The following MYH1 variants were observed in gnomAD, a reference collection of about 807,000 sequenced individuals.
MYH1 encodes myosin-1.
Under a neutral mutation model 225.6 loss-of-function variants are expected in MYH1, and 214 were observed. The ratio of observed to expected loss-of-function variants is 0.95; its 90% CI spans 0.85 to 1.06. The LOEUF (loss-of-function observed/expected upper bound fraction) is 1.06. Ranked by LOEUF, MYH1 falls within the 50% of genes least tolerant of loss-of-function variation. MYH1 has a pLI of 0.00. For missense variants in MYH1, 2,098 were observed against 2,344.2 expected (o/e 0.89, Z 2.17); for synonymous variants, 774 against 842.3 (o/e 0.92, Z 1.40).
In MYH1 at chr17:10,496,019, C is replaced by G. The variant is rs189070988; in HGVS notation, c.5100G>C (p.Glu1700Asp). The G allele has an allele frequency of 2.8e-5, 46 of 1,614,140 alleles. No homozygotes were observed. The African/African-American group carries it at 4.0e-4, about 14-fold the overall frequency. The change falls in exon 35 of 40, where the codon GAG becomes GAC. Residue 1700 changes from glutamate (E) to aspartate (D), a missense_variant. Physicochemically the swap from Glu to Asp is conservative, Grantham distance 45. Coordinates refer to ENST00000226207, the MANE Select transcript of MYH1 (RefSeq NM_005963.4). The part of the protein sequence containing the change: ...EELRATLEQT[E>D]RSRKIAEQEL... ...CCTGTTCTGCGATTTTCCTGCTCCT[C>G]TCTGTCTGTTCCAGAGTGGCCCGCA...
At chr17:10,515,109 A>G (rs553531639) in intron 5 of MYH1, among the ~76,000 whole-genome samples, 2 of 152,352 alleles carry the variant, frequency 1.3e-5, no homozygotes, top group African/African-American at 2.4e-5. Flanking sequence ...GTAGATTTCA[A>G]TGGCATGCTA....
intron 37 of MYH1, 67 bp downstream of exon 37, chr17:10,494,864 G>T: frequency 6.2e-7 from 1 of 1,613,478 alleles, no homozygotes; most frequent in African/African-American, 1.3e-5. Context: ...ATCTAGCAGT[G>T]CTAGGTATTC....
intron 33 of MYH1, among the ~76,000 whole-genome samples, chr17:10,496,831 C>T (rs890102290): frequency 2.6e-5 from 4 of 152,156 alleles, no homozygotes; most frequent in African/African-American, 9.7e-5. Flanking sequence ...TTTTATCTCC[C>T]TAGGTAGATT....
rs369952122 is a variant in MYH1, at chr17:10,505,081, A to T, written c.2436-16T>A. The T allele has an allele frequency of 2.5e-6, 4 of 1,613,598 alleles. No individual in the cohort carries two copies. The African/African-American group carries it at 5.3e-5, about 22-fold the overall frequency. ...GATGGACTCTCTGTCATAGGAACAG[A>T]AATGTCCAAATCAGATTATAATAAG... On this transcript the variant is annotated splice_polypyrimidine_tract_variant and intron_variant, in intron 21 of 39. Coordinates refer to ENST00000226207, the MANE Select transcript of MYH1 (RefSeq NM_005963.4).
In MYH1 at chr17:10,498,662, T is replaced by G. The variant is rs571435872; in HGVS notation, c.4145A>C (p.Asp1382Ala). 12 of 1,614,030 alleles carry G rather than the reference T, an allele frequency of 7.4e-6. No individual in the cohort carries two copies. In the Admixed American group the frequency reaches 1.5e-4, roughly 20 times the overall value. ...CAGCTCCTCTGTGCGCTGGATGGCA[T>G]CTGTCTCATATTTGGTCCTCCACTG... ...VAQWRTKYET[D>A]AIQRTEELEE... The change falls in exon 30 of 40, where the codon GAT becomes GCT. Residue 1382 changes from aspartate to alanine, a missense_variant. Coordinates refer to ENST00000226207, the MANE Select transcript of MYH1 (RefSeq NM_005963.4).
rs767846610 is a variant in MYH1, at chr17:10,507,911, AAAG to A, written c.1940_1942del (p.Ser647del). 9 of 1,613,996 alleles carry A rather than the reference AAAG, an allele frequency of 5.6e-6. No individual in the cohort carries two copies. The Admixed American group carries it at 1.3e-4, about 24-fold the overall frequency. Reference sequence around the variant, plus strand: ...CCTGAAGAGAGCAGACACAGTCTGGAAAGAAGAACCCTTCTTCTTACCACCTTT... The same window carrying A: ...CCTGAAGAGAGCAGACACAGTCTGGAAAGAACCCTTCTTCTTACCACCTTT... On this transcript the variant is annotated inframe_deletion, in exon 17 of 40. Coordinates refer to ENST00000226207, the MANE Select transcript of MYH1 (RefSeq NM_005963.4).
chr17:10,512,544 A>G lies in MYH1; in HGVS notation c.1011T>C (p.Ser337=), dbSNP rs2073181932. The G allele has an allele frequency of 1.5e-5, 24 of 1,614,110 alleles. No homozygotes were observed. The highest frequency in any genetic ancestry group is 2.0e-5 in the Non-Finnish European group (24 of 1,179,988). Reference sequence around the variant, plus strand: ...AAGTAAAGCCCAGAATTTCAATGGCACTCTACCATGAGAGATGAGAAGACA... The same window carrying G: ...AAGTAAAGCCCAGAATTTCAATGGCGCTCTACCATGAGAGATGAGAAGACA... ...DDQEELMATD[S]AIEILGFTSD... is the part of the protein sequence containing the mutation. The change falls in exon 12 of 40, where the codon AGT becomes AGC. Residue 337 remains serine (S), a splice_region_variant and synonymous_variant. Transcript: ENST00000226207.
chr17:10,494,939 C>G lies in MYH1; in HGVS notation c.5458G>C (p.Glu1820Gln). The change falls in exon 37 of 40, where the codon GAG (glutamate) becomes CAG (glutamine). Residue 1820 changes from glutamate (E) to glutamine (Q), a missense_variant. Coordinates refer to ENST00000226207, the MANE Select transcript of MYH1 (RefSeq NM_005963.4). The stretch of plus-strand genomic sequence containing the variant: ...CTGATTAGGAGACCCACCCTGGCCT[C>G]CAGTTTCTGGATCTGCTTCTTCCCA... ...KGGKKQIQKL[E>Q]ARVRELEGEV... The G allele has an allele frequency of 6.2e-7, 1 of 1,614,134 alleles. No homozygotes were observed. Among genetic ancestry groups the G allele is most frequent in the South Asian group, 1.1e-5 (1 of 91,082 alleles).
chr17:10,510,011 A>G (rs1446994386), intron 14 of MYH1, among the ~76,000 whole-genome samples: 1 of 152,192 alleles, frequency 6.6e-6, no homozygotes, highest in African/African-American at 2.4e-5. Flanking sequence ...GAAACAGCAC[A>G]CACTGGGGCC....
At chr17:10,507,001 G>A (rs566423930) in intron 17 of MYH1, among the ~76,000 whole-genome samples, 11 of 152,242 alleles carry the variant, frequency 7.2e-5, no homozygotes, top group South Asian at 4.2e-4. Flanking sequence ...TGGTTTTTCC[G>A]AATATCTACA....
chr17:10,508,620 G>A lies in MYH1; in HGVS notation c.1640C>T (p.Thr547Ile). Residue 547 changes from threonine to isoleucine, a missense_variant, in exon 16 of 40, where the codon ACA becomes ATA. By Grantham distance (89) the Thr-to-Ile change is moderately conservative (BLOSUM62 -1). Coordinates refer to ENST00000226207, the MANE Select transcript of MYH1 (RefSeq NM_005963.4). ...CAGCTTGTTCTTGAAGGAGGTGTCT[G>A]TCGCCTTGGGGAACATGCACTCCTC... ...LEEECMFPKA[T>I]DTSFKNKLYE... The A allele has an allele frequency of 6.2e-7, 1 of 1,614,214 alleles. No homozygotes were observed. Among genetic ancestry groups the A allele is most frequent in the Non-Finnish European group, 8.5e-7 (1 of 1,180,030 alleles).
At chr17:10,511,698 C>A in intron 14 of MYH1, 141 bp downstream of exon 14, 1 of 1,335,714 alleles carries the variant, frequency 7.5e-7, no homozygotes, top group South Asian at 1.3e-5. Flanking sequence ...TCTTTTGGTG[C>A]TCTTTCATGT....
Position 10,496,442 on chromosome 17 carries a change from G to C in MYH1, c.4764C>G (p.Asp1588Glu), listed in dbSNP as rs1182630992. ...RKIAEKDEEI[D>E]QMKRNHIRIV... is the part of the protein sequence containing the mutation. Reference sequence around the variant, plus strand: ...TTCTAATGTGGTTTCTCTTCATCTGGTCAATTTCCTCATCTTTTTCAGCAA... The same window carrying C: ...TTCTAATGTGGTTTCTCTTCATCTGCTCAATTTCCTCATCTTTTTCAGCAA... Residue 1588 changes from aspartate (D) to glutamate (E), a missense_variant, in exon 34 of 40, where the codon GAC (aspartate) becomes GAG (glutamate). Coordinates refer to ENST00000226207, the MANE Select transcript of MYH1 (RefSeq NM_005963.4). 1.2e-6 allele frequency: 2 copies of C among 1,613,760 alleles called. No homozygotes were observed. Among genetic ancestry groups the C allele is most frequent in the Non-Finnish European group, 1.7e-6 (2 of 1,179,988 alleles).
intron 37 of MYH1, 78 bp downstream of exon 37, chr17:10,494,853 C>G (rs2072971013): frequency 6.2e-7 from 1 of 1,610,578 alleles, no homozygotes; most frequent in Non-Finnish European, 8.5e-7. Context: ...TGCCCCACAT[C>G]ATCTAGCAGT....
At chr17:10,514,800 CT>C (rs1567723316) in intron 6 of MYH1, 67 bp downstream of exon 6, 3 of 1,440,678 alleles carry the variant, frequency 2.1e-6, no homozygotes, top group Admixed American at 1.7e-5. Context: ...TAACTAATTT[CT>C]TTTTTTGGTT....
rs765492937 is a variant in MYH1 at position 10,505,204 on chromosome 17, C to G, written c.2394G>C (p.Gly798=). The G allele has an allele frequency of 1.2e-6, 2 of 1,614,222 alleles. No individual in the cohort carries two copies. Among genetic ancestry groups the G allele is most frequent in the East Asian group, 2.2e-5 (1 of 44,884 alleles). ...LITRTQAMCR[G]FLARVEYQKM... is the part of the protein sequence containing the mutation. Reference sequence around the variant, plus strand: ...TCTGGTACTCCACTCTTGCCAAGAACCCTCTGCACATGGCCTGGGTTCGGG... The same window carrying G: ...TCTGGTACTCCACTCTTGCCAAGAAGCCTCTGCACATGGCCTGGGTTCGGG... The change falls in exon 21 of 40, where the codon GGG becomes GGC. Residue 798 remains glycine, a synonymous_variant. Transcript: ENST00000226207.
Position 10,496,045 on chromosome 17 carries a change from G to C in MYH1, c.5074C>G (p.Leu1692Val). 3.7e-6 allele frequency: 6 copies of C among 1,614,068 alleles called. No homozygotes were observed. The highest frequency in any genetic ancestry group is 5.1e-6 in the Non-Finnish European group (6 of 1,180,010). ...ANLLQAEIEE[L>V]RATLEQTERS... ...TCTGTCTGTTCCAGAGTGGCCCGCA[G>C]CTCCTCGATCTCAGCCTGCAGCAGG... Residue 1692 changes from leucine to valine, a missense_variant, in exon 35 of 40, where the codon CTG (leucine) becomes GTG (valine). Coordinates refer to ENST00000226207, the MANE Select transcript of MYH1 (RefSeq NM_005963.4).
chr17:10,498,699 T>C lies in MYH1; in HGVS notation c.4108A>G (p.Ser1370Gly). The change falls in exon 30 of 40, where the codon AGT becomes GGT. Residue 1370 changes from serine (S) to glycine (G), a missense_variant. Ser to Gly is a moderately conservative substitution (Grantham distance 56, BLOSUM62 0). Coordinates refer to ENST00000226207, the MANE Select transcript of MYH1 (RefSeq NM_005963.4). ...TTGGTCCTCCACTGGGCAACCTCACTGTTGGCCTTGGACATTGCTCTCTGT... is the reference window on the plus strand; with the variant it reads ...TTGGTCCTCCACTGGGCAACCTCACCGTTGGCCTTGGACATTGCTCTCTGT... Reference protein sequence around the residue: ...ELQRAMSKANSEVAQWRTKYE... With the variant: ...ELQRAMSKANGEVAQWRTKYE... The C allele has an allele frequency of 6.2e-7, 1 of 1,614,076 alleles. No individual in the cohort carries two copies. Among genetic ancestry groups the C allele is most frequent in the Non-Finnish European group, 8.5e-7 (1 of 1,179,904 alleles).
chr17:10,497,666 G>A, intron 31 of MYH1, 68 bp downstream of exon 31: 1 of 1,586,836 alleles, frequency 6.3e-7, no homozygotes, highest in Middle Eastern at 1.7e-4. Flanking sequence ...TTTGAATTGG[G>A]CACACTGAAG....
Sources: gnomAD v4.1 joint callset for allele counts (sites outside exome capture counted in the v4.1 genomes callset) on GRCh38, gnomAD v4.1.1 for gene constraint, MANE v1.5 for transcripts, NCBI Gene and HGNC (gene_info 2026-07-23, HGNC 2026-07-21) for gene names.